Variants in RASEF observed in about 807,000 individuals in gnomAD.
The protein encoded by RASEF is RAS and EF-hand domain containing.
A neutral mutation model predicts 90.1 loss-of-function variants in RASEF; 68 were observed. The observed-to-expected ratio is 0.75, with a 90% confidence interval of 0.62 to 0.92. RASEF has a LOEUF of 0.92. RASEF is among the 40% of genes least tolerant of loss of function. The pLI is 0.00. For missense variants in RASEF, 949 were observed against 937.2 expected (o/e 1.01, Z -0.16); for synonymous variants, 331 against 345.2 (o/e 0.96, Z 0.46).
Position 83,025,825 on chromosome 9 carries a change from C to G in RASEF, c.528G>C (p.Glu176Asp). ...YEHVIKNFIR[E>D]IRLQSTEMEN... ...CCATTTCTGTGCTTTGAAGTCTGAT[C>G]TCACGGATGAAGTTCTTTATAACAT... is the stretch of plus-strand genomic sequence containing the variant. The change falls in exon 2 of 17, where the codon GAG becomes GAC. Residue 176 changes from glutamate to aspartate, a missense_variant. By Grantham distance (45) the Glu-to-Asp change is conservative. Coordinates refer to ENST00000376447, the MANE Select transcript of RASEF (RefSeq NM_152573.4). 1 of 1,614,090 alleles carries G rather than the reference C, an allele frequency of 6.2e-7. No individual in the cohort carries two copies. Among genetic ancestry groups the G allele is most frequent in the Non-Finnish European group, 8.5e-7 (1 of 1,179,990 alleles).
the RASEF span, among the ~76,000 whole-genome samples, chr9:83,140,499 C>T: frequency 6.6e-6 from 1 of 152,068 alleles, no homozygotes; most frequent in Non-Finnish European, 1.5e-5. Flanking sequence ...AAGCTAGGGG[C>T]TTGGGTATCT....
chr9:83,002,475 TAAC>T (rs924432863), intron 9 of RASEF, among the ~76,000 whole-genome samples: 4 of 151,318 alleles, frequency 2.6e-5, no homozygotes, highest in African/African-American at 4.8e-5. Context: ...ATACTGTTAA[TAAC>T]AATAACAATA....
At chr9:83,183,260 GTGTATATA>G in the RASEF span, among the ~76,000 whole-genome samples, 1 of 34,058 alleles carries the variant, frequency 2.9e-5, no homozygotes, top group African/African-American at 2.8e-4. Flanking sequence ...ATTTGTGTGT[GTGTATATA>G]TATATATATA....
the RASEF span, among the ~76,000 whole-genome samples, chr9:83,127,576 C>T: frequency 1.7e-4 from 26 of 152,208 alleles, no homozygotes; most frequent in Non-Finnish European, 2.4e-4. Context: ...GTCATGTAGG[C>T]GCTGCCAGTA....
intron 1 of RASEF, chr9:83,055,724 T>G (rs1400120929): frequency 1.4e-6 from 1 of 713,238 alleles, no homozygotes; most frequent in South Asian, 1.5e-5. Context: ...TGCAGGTGAT[T>G]TGGAATGAGC....
At chr9:83,149,305 G>A in the RASEF span, among the ~76,000 whole-genome samples, 1 of 152,156 alleles carries the variant, frequency 6.6e-6, no homozygotes, top group Non-Finnish European at 1.5e-5. Context: ...GCAATCAAAT[G>A]GTCCCATGTT....
chr9:83,176,129 T>G, the RASEF span, among the ~76,000 whole-genome samples: 2 of 152,202 alleles, frequency 1.3e-5, no homozygotes, highest in South Asian at 4.1e-4. Flanking sequence ...TATTGTGAAA[T>G]TGTTTACTTC....
At chr9:83,216,639 G>A in the RASEF span, among the ~76,000 whole-genome samples, 2 of 152,184 alleles carry the variant, frequency 1.3e-5, no homozygotes, top group Admixed American at 6.5e-5. Flanking sequence ...AGGGCAGTGC[G>A]AAAGGGAAAT....
At chr9:83,115,885 A>G in the RASEF span, among the ~76,000 whole-genome samples, 1 of 128,522 alleles carries the variant, frequency 7.8e-6, no homozygotes, top group African/African-American at 2.8e-5. Flanking sequence ...CTAAATTGCT[A>G]AAAAAAAAAG....
At chr9:83,202,627 C>A in the RASEF span, among the ~76,000 whole-genome samples, 1,056 of 152,234 alleles carry the variant, frequency 6.9e-3, 12 homozygotes, top group African/African-American at 0.024. Context: ...AGGTGCCCGC[C>A]ACTATGCTTG....
At chr9:83,112,491 C>T in the RASEF span, among the ~76,000 whole-genome samples, 13 of 152,130 alleles carry the variant, frequency 8.5e-5, no homozygotes, top group Admixed American at 3.3e-4. Context: ...TCGAGACCAG[C>T]CTGACCAACA....
the RASEF span, among the ~76,000 whole-genome samples, chr9:83,111,701 G>T: frequency 6.6e-6 from 1 of 151,530 alleles, no homozygotes; most frequent in Non-Finnish European, 1.5e-5. Flanking sequence ...TGCATTTCTG[G>T]TTTCCGAATA....
chr9:83,148,740 G>A, the RASEF span, among the ~76,000 whole-genome samples: 15 of 152,278 alleles, frequency 9.9e-5, no homozygotes, highest in African/African-American at 3.6e-4. Flanking sequence ...AATTTTTTAA[G>A]CCAAGTGAAT....
At chr9:83,048,792 T>C in intron 1 of RASEF, 10 of 969,356 alleles carry the variant, frequency 1.0e-5, no homozygotes, top group Non-Finnish European at 1.2e-5. Flanking sequence ...TCAAGTCCCA[T>C]TAGAATATTT....
intron 16 of RASEF, 108 bp downstream of exon 16, chr9:82,990,283 A>G: frequency 1.4e-6 from 1 of 735,024 alleles, no homozygotes; most frequent in East Asian, 2.8e-5. Flanking sequence ...TGACTGACAG[A>G]TAAGAGAGTG....
At chr9:83,106,349 C>A in the RASEF span, among the ~76,000 whole-genome samples, 3 of 152,112 alleles carry the variant, frequency 2.0e-5, no homozygotes, top group Non-Finnish European at 4.4e-5. Context: ...GAGTTTTTGT[C>A]CTCTGTGCTT....
chr9:83,031,415 G>A (rs2118599126), intron 1 of RASEF, among the ~76,000 whole-genome samples: 1 of 152,290 alleles, frequency 6.6e-6, no homozygotes, highest in Admixed American at 6.5e-5. Context: ...TCCAGGTGCT[G>A]ATTTAAGCCT....
rs760921405 is a variant in RASEF at position 83,062,610 on chromosome 9, C to T, written c.258G>A (p.Leu86=). The T allele has an allele frequency of 2.2e-5, 34 of 1,560,472 alleles. No homozygotes were observed. The highest frequency in any genetic ancestry group is 2.8e-5 in the Non-Finnish European group (32 of 1,157,104). ...RGGRRRDWGP[L]DPAPAVSEAG... is the part of the protein sequence containing the mutation. ...CCTCAGACACGGCGGGCGCGGGATC[C>T]AGAGGACCCCAGTCCCGGCGCCGCC... Residue 86 remains leucine (L), a synonymous_variant, in exon 1 of 17, where the codon CTG becomes CTA. Transcript: ENST00000376447.
intron 3 of RASEF, among the ~76,000 whole-genome samples, chr9:83,018,207 C>T (rs1350332584): frequency 9.0e-6 from 1 of 111,594 alleles, no homozygotes; most frequent in Non-Finnish European, 1.8e-5. Flanking sequence ...TAATATATTT[C>T]ATAATCATCC....
Sources: gnomAD v4.1 joint callset for allele counts (sites outside exome capture counted in the v4.1 genomes callset) on GRCh38, gnomAD v4.1.1 for gene constraint, MANE v1.5 for transcripts, NCBI Gene and HGNC (gene_info 2026-07-23, HGNC 2026-07-21) for gene names.